Variants in ASTN2 observed in about 807,000 individuals in gnomAD.
ASTN2 encodes the protein astrotactin-2.
ASTN2 carries 54 observed loss-of-function variants against 139.8 expected under a neutral mutation model. The observed-to-expected ratio is 0.39, with a 90% CI of 0.31 to 0.48. The LOEUF is 0.48. ASTN2 is among the 20% of genes least tolerant of loss of function. The pLI, the probability that ASTN2 is intolerant of heterozygous loss-of-function variation, is 0.95. For synonymous variants in ASTN2, 756 were observed against 719.5 expected, an observed-to-expected ratio of 1.05 and a Z score of -0.81; for missense variants, 1,565 against 1,725.1, an observed-to-expected ratio of 0.91 and a Z score of 1.64.
intron 16 of ASTN2, among the ~76,000 whole-genome samples, chr9:116,724,800 T>C (rs1588241406): frequency 6.6e-6 from 1 of 152,190 alleles, no homozygotes; most frequent in Admixed American, 6.5e-5. Flanking sequence ...AGACTTTCTT[T>C]TACAAATAGT....
At chr9:116,646,621 G>A (rs1273342100) in intron 17 of ASTN2, among the ~76,000 whole-genome samples, 14 of 152,098 alleles carry the variant, frequency 9.2e-5, no homozygotes, top group Admixed American at 9.2e-4. Flanking sequence ...CTTTGGAAAT[G>A]TCTAAGGCAC....
At chr9:117,407,845 T>C (rs1469572248) in intron 1 of ASTN2, among the ~76,000 whole-genome samples, 1 of 152,234 alleles carries the variant, frequency 6.6e-6, no homozygotes, top group African/African-American at 2.4e-5. Context: ...TCACTATAGT[T>C]AATCTTTTGT....
chr9:116,676,474 CTT>C (rs1327790786), intron 16 of ASTN2, among the ~76,000 whole-genome samples: 2 of 152,204 alleles, frequency 1.3e-5, no homozygotes, highest in Non-Finnish European at 2.9e-5. Context: ...CAGTTACAAA[CTT>C]TGCTACAGGT....
chr9:116,490,892 T>C (rs930249326), intron 19 of ASTN2, among the ~76,000 whole-genome samples: 10 of 152,204 alleles, frequency 6.6e-5, no homozygotes, highest in East Asian at 1.9e-4. Flanking sequence ...AGTATGTTTG[T>C]GGCCTGTGTT....
intron 2 of ASTN2, among the ~76,000 whole-genome samples, chr9:117,232,774 C>T (rs1832933837): frequency 6.6e-6 from 1 of 152,158 alleles, no homozygotes; most frequent in South Asian, 2.1e-4. Flanking sequence ...TCTCTTCTCC[C>T]TTTGTTGGGA....
chr9:117,168,839 T>G (rs957088245), intron 3 of ASTN2, among the ~76,000 whole-genome samples: 1 of 152,180 alleles, frequency 6.6e-6, no homozygotes, highest in African/African-American at 2.4e-5. Flanking sequence ...GCAGTTTGTT[T>G]TTTTCATGAT....
At chr9:117,311,453 C>T (rs752005936) in intron 1 of ASTN2, among the ~76,000 whole-genome samples, 1 of 152,122 alleles carries the variant, frequency 6.6e-6, no homozygotes, top group Non-Finnish European at 1.5e-5. Flanking sequence ...GATTGCCATC[C>T]ACTCTTTTTC....
chr9:116,498,471 G>A (rs1849743867), intron 19 of ASTN2, among the ~76,000 whole-genome samples: 1 of 152,062 alleles, frequency 6.6e-6, no homozygotes, highest in South Asian at 2.1e-4. Context: ...GGTGGCATGT[G>A]TCTGTAGCCC....
chr9:116,856,656 T>G (rs1206329681), intron 11 of ASTN2, among the ~76,000 whole-genome samples: 1 of 152,270 alleles, frequency 6.6e-6, no homozygotes, highest in Non-Finnish European at 1.5e-5. Context: ...TTATTCATCT[T>G]GACTTTTAGA....
At chr9:116,998,190 A>T (rs572780904) in intron 7 of ASTN2, among the ~76,000 whole-genome samples, 1 of 152,338 alleles carries the variant, frequency 6.6e-6, no homozygotes, top group African/African-American at 2.4e-5. Flanking sequence ...AGTAAAATTC[A>T]TGACAAATGA....
chr9:116,893,047 C>T (rs1162341145), intron 10 of ASTN2, among the ~76,000 whole-genome samples: 1 of 152,044 alleles, frequency 6.6e-6, no homozygotes, highest in Non-Finnish European at 1.5e-5. Context: ...AATAATTTAT[C>T]ACACTTATTA....
intron 13 of ASTN2, among the ~76,000 whole-genome samples, chr9:116,758,462 G>A (rs1201041638): frequency 6.6e-6 from 1 of 152,106 alleles, no homozygotes. Context: ...CTCTTTGGAG[G>A]ACACCCAGGC....
At chr9:117,124,899 T>C (rs1487789963) in intron 4 of ASTN2, among the ~76,000 whole-genome samples, 2 of 151,828 alleles carry the variant, frequency 1.3e-5, no homozygotes, top group Non-Finnish European at 2.9e-5. Context: ...ACACAACCTC[T>C]CTGTGTCTCA....
intron 13 of ASTN2, among the ~76,000 whole-genome samples, chr9:116,804,136 T>C (rs1024905542): frequency 6.6e-6 from 1 of 152,100 alleles, no homozygotes; most frequent in Non-Finnish European, 1.5e-5. Flanking sequence ...AAAGAGTATA[T>C]GATGATTACA....
intron 1 of ASTN2, among the ~76,000 whole-genome samples, chr9:117,377,129 G>A (rs776494121): frequency 6.6e-6 from 1 of 152,206 alleles, no homozygotes; most frequent in Non-Finnish European, 1.5e-5. Flanking sequence ...GGATGAGGGA[G>A]TTGGAGAGGT....
intron 11 of ASTN2, among the ~76,000 whole-genome samples, chr9:116,846,811 C>T (rs1470857987): frequency 2.0e-5 from 3 of 152,018 alleles, no homozygotes; most frequent in African/African-American, 4.8e-5. Context: ...GGTAGGTTCT[C>T]GCAGTAGGCA....
At chr9:116,745,341 C>T (rs1043030224) in intron 13 of ASTN2, among the ~76,000 whole-genome samples, 3 of 152,174 alleles carry the variant, frequency 2.0e-5, no homozygotes, top group African/African-American at 7.2e-5. Context: ...GAACTCCTTC[C>T]AGGCAGCAGC....
At chr9:117,402,032 G>A (rs1830845484) in intron 1 of ASTN2, among the ~76,000 whole-genome samples, 2 of 152,212 alleles carry the variant, frequency 1.3e-5, no homozygotes, top group African/African-American at 4.8e-5. Flanking sequence ...GGTGATGCCA[G>A]TGGAAACTAT....
chr9:116,857,840 C>A (rs942395070), intron 11 of ASTN2, among the ~76,000 whole-genome samples: 2 of 152,180 alleles, frequency 1.3e-5, no homozygotes, highest in South Asian at 2.1e-4. Context: ...TCTGGGCTGA[C>A]CTTATTGACC....
Sources: gnomAD v4.1 joint callset for allele counts (sites outside exome capture counted in the v4.1 genomes callset) on GRCh38, gnomAD v4.1.1 for gene constraint, MANE v1.5 for transcripts, NCBI Gene and HGNC (gene_info 2026-07-23, HGNC 2026-07-21) for gene names.